The following RCSD1 variants were observed in gnomAD, a reference collection of about 807,000 sequenced individuals.
RCSD1 encodes the protein capZ-interacting protein.
A neutral mutation model predicts 42.5 loss-of-function variants in RCSD1; 26 were observed. The observed-to-expected ratio is 0.61, with a 90% CI of 0.45 to 0.85. The LOEUF (loss-of-function observed/expected upper bound fraction) is 0.85. Among genes scored for constraint, RCSD1 ranks in the 40% least tolerant of loss-of-function variants. The pLI is 0.00. For synonymous variants in RCSD1, 220 were observed against 212.2 expected (o/e 1.04, Z -0.32); for missense variants, 571 against 528.3 (o/e 1.08, Z -0.79).
chr1:167,635,403 A>AG (rs2102193096), intron 1 of RCSD1, among the ~76,000 whole-genome samples: 1 of 144,952 alleles, frequency 6.9e-6, no homozygotes, highest in South Asian at 2.2e-4. Flanking sequence ...CTGCGACGAC[A>AG]GGGGGAATTT....
chr1:167,686,115 T>G (rs951263459), intron 3 of RCSD1, among the ~76,000 whole-genome samples: 1 of 152,198 alleles, frequency 6.6e-6, no homozygotes, highest in Non-Finnish European at 1.5e-5. Flanking sequence ...CTGCATATTC[T>G]CCTATCTTTA....
At chr1:167,671,706 C>A (rs1344010484) in intron 1 of RCSD1, among the ~76,000 whole-genome samples, 1 of 152,222 alleles carries the variant, frequency 6.6e-6, no homozygotes, top group Non-Finnish European at 1.5e-5. Context: ...ACATGTCTTA[C>A]CCTGCAGCCA....
Position 167,683,945 on chromosome 1 carries a change from C to G in RCSD1, c.52C>G (p.Pro18Ala), listed in dbSNP as rs1464839050. ...TGCCAATGTGGACAACTCGGCGTCC[C>G]CCTCGGTGGCCCAGCTGGCCGGGCG... ...TNANVDNSAS[P>A]SVAQLAGRFR... Residue 18 changes from proline to alanine, a missense_variant, in exon 2 of 7, where the codon CCC becomes GCC. Pro to Ala is a conservative substitution (Grantham distance 27). Coordinates refer to ENST00000367854, the MANE Select transcript of RCSD1 (RefSeq NM_052862.4). The G allele has an allele frequency of 6.2e-7, 1 of 1,614,088 alleles. No homozygotes were observed. Among genetic ancestry groups the G allele is most frequent in the Non-Finnish European group, 8.5e-7 (1 of 1,180,048 alleles).
intron 6 of RCSD1, among the ~76,000 whole-genome samples, chr1:167,700,317 A>T (rs753629368): frequency 1.3e-5 from 2 of 152,152 alleles, no homozygotes; most frequent in African/African-American, 2.4e-5. Context: ...CCCCTGGGTT[A>T]AGTTGTTAGG....
At chr1:167,690,201 A>T in intron 4 of RCSD1, 81 bp downstream of exon 4, 1 of 1,337,936 alleles carries the variant, frequency 7.5e-7, no homozygotes, top group Non-Finnish European at 1.1e-6. Context: ...TTTGAGGCTC[A>T]TAGGGGTAGC....
In RCSD1 at chr1:167,697,479, C is replaced by G. The variant is rs1373854041; in HGVS notation, c.855C>G (p.Pro285=). 1 of 1,609,676 alleles carries G rather than the reference C, an allele frequency of 6.2e-7. No homozygotes were observed. Among genetic ancestry groups the G allele is most frequent in the Non-Finnish European group, 8.5e-7 (1 of 1,178,072 alleles). ...HPAQEEVPES[P]QTSGPEAENR... Reference sequence around the variant, plus strand: ...CCCAAGAGGAGGTCCCGGAATCGCCCCAGACCTCTGGCCCAGAGGCAGAAA... The same window carrying G: ...CCCAAGAGGAGGTCCCGGAATCGCCGCAGACCTCTGGCCCAGAGGCAGAAA... The change falls in exon 6 of 7, where the codon CCC becomes CCG. Residue 285 remains proline, a synonymous_variant. Coordinates refer to ENST00000367854, the MANE Select transcript of RCSD1 (RefSeq NM_052862.4).
At chr1:167,702,770 G>A (rs570465243) in intron 6 of RCSD1, among the ~76,000 whole-genome samples, 9 of 152,152 alleles carry the variant, frequency 5.9e-5, no homozygotes, top group East Asian at 5.8e-4. Flanking sequence ...CAGAGACTCC[G>A]TCTAAAAATA....
Position 167,685,474 on chromosome 1 carries a change from C to A in RCSD1, c.162C>A (p.Phe54Leu). Residue 54 changes from phenylalanine (F) to leucine (L), a missense_variant, in exon 3 of 7, where the codon TTC (phenylalanine) becomes TTA (leucine). Phe to Leu is a conservative substitution (Grantham distance 22). Transcript: ENST00000367854. ...RRKPPCSLPL[F>L]PPKVDLGQNG... Reference sequence around the variant, plus strand: ...AACCGCCCTGTTCCCTCCCCCTGTTCCCCCCCAAGGTAGACCTGGGCCAGA... The same window carrying A: ...AACCGCCCTGTTCCCTCCCCCTGTTACCCCCCAAGGTAGACCTGGGCCAGA... 6.2e-7 allele frequency: 1 copy of A among 1,613,418 alleles called. No individual in the cohort carries two copies. The highest frequency in any genetic ancestry group is 8.5e-7 in the Non-Finnish European group (1 of 1,179,662).
chr1:167,665,223 C>G (rs910295008), intron 1 of RCSD1, among the ~76,000 whole-genome samples: 2 of 152,290 alleles, frequency 1.3e-5, no homozygotes, highest in South Asian at 4.1e-4. Flanking sequence ...TACGGGAAGT[C>G]ATTTCTGTCT....
At chr1:167,637,240 G>A (rs957409261) in intron 1 of RCSD1, among the ~76,000 whole-genome samples, 1 of 152,156 alleles carries the variant, frequency 6.6e-6, no homozygotes, top group Non-Finnish European at 1.5e-5. Context: ...GGTGTGCATG[G>A]GAAATAATAA....
intron 1 of RCSD1, among the ~76,000 whole-genome samples, chr1:167,676,558 C>T (rs1309319272): frequency 6.6e-6 from 1 of 151,930 alleles, no homozygotes; most frequent in Non-Finnish European, 1.5e-5. Flanking sequence ...TCTTTTCTTT[C>T]TTTATGCTTG....
At chr1:167,636,946 C>T (rs531856799) in intron 1 of RCSD1, among the ~76,000 whole-genome samples, 1 of 152,264 alleles carries the variant, frequency 6.6e-6, no homozygotes, top group African/African-American at 2.4e-5. Flanking sequence ...CCAGGCACTG[C>T]GGATCTAAAG....
At chr1:167,657,122 G>A (rs1247294559) in intron 1 of RCSD1, among the ~76,000 whole-genome samples, 1 of 152,240 alleles carries the variant, frequency 6.6e-6, no homozygotes, top group African/African-American at 2.4e-5. Flanking sequence ...AAGTGAGCCA[G>A]TGTCCATGAT....
chr1:167,685,609 A>G, intron 3 of RCSD1, 99 bp downstream of exon 3: 1 of 896,578 alleles, frequency 1.1e-6, no homozygotes, highest in Non-Finnish European at 1.8e-6. Flanking sequence ...CATACTTTAA[A>G]GCTCAGACTC....
chr1:167,697,864 C>T (rs1443077805), intron 6 of RCSD1, 22 bp downstream of exon 6: 1 of 1,451,530 alleles, frequency 6.9e-7, no homozygotes, highest in Admixed American at 2.9e-5. Flanking sequence ...GGCTCGTTCA[C>T]ATGCAGAAGG....
At chr1:167,675,006 A>G (rs1658905683) in intron 1 of RCSD1, among the ~76,000 whole-genome samples, 1 of 152,046 alleles carries the variant, frequency 6.6e-6, no homozygotes, top group Non-Finnish European at 1.5e-5. Flanking sequence ...GGAGATCAAG[A>G]CCATCCTGGC....
At chr1:167,652,192 T>C (rs907897820) in intron 1 of RCSD1, among the ~76,000 whole-genome samples, 3 of 152,092 alleles carry the variant, frequency 2.0e-5, no homozygotes, top group African/African-American at 7.2e-5. Flanking sequence ...CGGCTAATTT[T>C]TGTATTTTTA....
At chr1:167,667,243 C>T (rs1019516363) in intron 1 of RCSD1, among the ~76,000 whole-genome samples, 1 of 151,862 alleles carries the variant, frequency 6.6e-6, no homozygotes, top group Non-Finnish European at 1.5e-5. Flanking sequence ...CTTGAGCATC[C>T]CTGGGCTGCA....
At chr1:167,651,491 C>T (rs535886532) in intron 1 of RCSD1, among the ~76,000 whole-genome samples, 4 of 152,364 alleles carry the variant, frequency 2.6e-5, no homozygotes, top group East Asian at 1.9e-4. Flanking sequence ...TCTCCTCGCA[C>T]GCCGACCTGG....
Sources: gnomAD v4.1 joint callset for allele counts (sites outside exome capture counted in the v4.1 genomes callset) on GRCh38, gnomAD v4.1.1 for gene constraint, MANE v1.5 for transcripts, NCBI Gene and HGNC (gene_info 2026-07-23, HGNC 2026-07-21) for gene names.